STAC: variants seen among roughly 807,000 people sequenced by gnomAD.
The protein encoded by STAC is SH3 and cysteine-rich domain-containing protein.
Under a neutral mutation model 48.8 loss-of-function variants are expected in STAC, and 43 were observed. The ratio of observed to expected loss-of-function variants is 0.88; its 90% CI spans 0.69 to 1.14. STAC has a LOEUF of 1.14. STAC is among the 50% of genes most tolerant of loss of function. The probability of loss-of-function intolerance (pLI) is 0.00; values close to 1 mark genes in which losing one functional copy is unlikely to be tolerated. For synonymous variants in STAC, 193 were observed against 179.5 expected (o/e 1.07, Z -0.60); for missense variants, 497 against 504.0 (o/e 0.99, Z 0.13).
chr3:36,534,831 G>T (rs1361126737), intron 10 of STAC, among the ~76,000 whole-genome samples: 1 of 151,882 alleles, frequency 6.6e-6, no homozygotes, highest in Admixed American at 6.6e-5. Context: ...ATGCCCAGAT[G>T]ATTTTTGTAT....
At chr3:36,471,820 C>T (rs1357490502) in intron 2 of STAC, among the ~76,000 whole-genome samples, 1 of 152,204 alleles carries the variant, frequency 6.6e-6, no homozygotes, top group Non-Finnish European at 1.5e-5. Context: ...TCCCTCCCAG[C>T]TGCTTTCATA....
At chr3:36,389,668 A>AT (rs1699708961) in intron 1 of STAC, among the ~76,000 whole-genome samples, 1 of 152,130 alleles carries the variant, frequency 6.6e-6, no homozygotes, top group Non-Finnish European at 1.5e-5. Flanking sequence ...TTTCTTATCC[A>AT]TTAGTAAAGA....
At chr3:36,478,367 C>T (rs931408188) in intron 2 of STAC, among the ~76,000 whole-genome samples, 1 of 152,184 alleles carries the variant, frequency 6.6e-6, no homozygotes, top group African/African-American at 2.4e-5. Context: ...TATTTTTCCT[C>T]AAATTAAAAA....
intron 8 of STAC, among the ~76,000 whole-genome samples, chr3:36,520,697 A>T (rs1451150132): frequency 6.6e-6 from 1 of 152,212 alleles, no homozygotes; most frequent in Non-Finnish European, 1.5e-5. Flanking sequence ...CTATTTGAGG[A>T]AAGTCTCTGA....
chr3:36,397,788 G>A (rs1226176907), intron 1 of STAC, among the ~76,000 whole-genome samples: 1 of 152,074 alleles, frequency 6.6e-6, no homozygotes, highest in Admixed American at 6.5e-5. Flanking sequence ...TTATGAGCTT[G>A]TCTGAAAAAG....
At chr3:36,410,098 A>C (rs555089882) in intron 1 of STAC, among the ~76,000 whole-genome samples, 6 of 152,224 alleles carry the variant, frequency 3.9e-5, no homozygotes, top group Non-Finnish European at 8.8e-5. Flanking sequence ...TCTTACAAGA[A>C]AAATCTTTCC....
chr3:36,493,205 G>T lies in STAC; in HGVS notation c.742G>T (p.Asp248Tyr). 1 of 1,613,544 alleles carries T rather than the reference G, an allele frequency of 6.2e-7. No individual in the cohort carries two copies. The highest frequency in any genetic ancestry group is 1.1e-5 in the South Asian group (1 of 91,002). Residue 248 changes from aspartate (D) to tyrosine (Y), a missense_variant, in exon 6 of 11, where the codon GAC (aspartate) becomes TAC (tyrosine). Coordinates refer to ENST00000273183, the MANE Select transcript of STAC (RefSeq NM_003149.3). ...EEANGPGGGY[D>Y]LRKRSNSVFT... ...AGCCAATGGGCCAGGAGGCGGGTAT[G>T]ACCTAAGGAAACGCAGCAACAGCGG... is the stretch of plus-strand genomic sequence containing the variant.
chr3:36,490,252 C>T (rs150215487), intron 5 of STAC, among the ~76,000 whole-genome samples: 1 of 152,286 alleles, frequency 6.6e-6, no homozygotes, highest in Admixed American at 6.5e-5. Flanking sequence ...CCACGTACCA[C>T]GTTGCATCTC....
intron 2 of STAC, among the ~76,000 whole-genome samples, chr3:36,478,715 T>C (rs1036299931): frequency 6.6e-6 from 1 of 152,098 alleles, no homozygotes; most frequent in Non-Finnish European, 1.5e-5. Context: ...TTCAAACTCC[T>C]GACCTCAAGT....
chr3:36,401,711 G>C (rs1700001908), intron 1 of STAC, among the ~76,000 whole-genome samples: 1 of 152,186 alleles, frequency 6.6e-6, no homozygotes, highest in Non-Finnish European at 1.5e-5. Flanking sequence ...CAGTGCAAAG[G>C]GAAATCGGAG....
intron 1 of STAC, among the ~76,000 whole-genome samples, chr3:36,434,264 T>A (rs1320745879): frequency 1.3e-5 from 2 of 152,208 alleles, no homozygotes; most frequent in Non-Finnish European, 2.9e-5. Context: ...AGGTATTTCC[T>A]CAATTCTTAG....
At chr3:36,462,416 T>C (rs1247583600) in intron 2 of STAC, among the ~76,000 whole-genome samples, 1 of 152,082 alleles carries the variant, frequency 6.6e-6, no homozygotes, top group Non-Finnish European at 1.5e-5. Context: ...TTGTCTAGAT[T>C]AGAGATATAA....
At position 36,380,682 on chromosome 3, in the gene STAC, C is replaced by T. The variant is rs374697997; in HGVS notation, c.39C>T (p.Asp13=). Reference sequence around the variant, plus strand: ...GCAGCCCCCGCGAGGACGGCGTGGACGGGCTGCCCAAGGAGGCGGTGGGCG... The same window carrying T: ...GCAGCCCCCGCGAGGACGGCGTGGATGGGCTGCCCAAGGAGGCGGTGGGCG... The part of the protein sequence containing the change: ...PPSSPREDGV[D]GLPKEAVGAE... The change falls in exon 1 of 11, where the codon GAC becomes GAT. Residue 13 remains aspartate, a synonymous_variant. Coordinates refer to ENST00000273183, the MANE Select transcript of STAC (RefSeq NM_003149.3). The T allele has an allele frequency of 1.9e-5, 31 of 1,608,584 alleles. No individual in the cohort carries two copies. Among genetic ancestry groups the T allele is most frequent in the Admixed American group, 6.7e-5 (4 of 59,570 alleles).
intron 2 of STAC, among the ~76,000 whole-genome samples, chr3:36,451,525 G>A (rs1023430632): frequency 3.3e-5 from 5 of 152,062 alleles, no homozygotes; most frequent in African/African-American, 1.2e-4. Context: ...TATACATCTT[G>A]TTAGATATTT....
chr3:36,398,363 G>GAAAGA lies in STAC; in HGVS notation c.111+17617_111+17621dup, dbSNP rs1553631484. ...AGAAAGAAAGAAAGAAAGAAAGAAA[G>GAAAGA]AAAGAAAAGAAAGAGAGAAAGAAAG... is the stretch of plus-strand genomic sequence containing the variant. On this transcript the variant is annotated intron_variant, in intron 1 of 10. Transcript: ENST00000273183. Among the ~76,000 whole-genome samples, 162 of 124,962 alleles carry GAAAGA rather than the reference G, an allele frequency of 1.3e-3. 2 individuals carry two copies. The highest frequency in any genetic ancestry group is 4.7e-3 in the South Asian group (18 of 3,864). 82.0% of individuals were successfully genotyped at this position (124,962 alleles called of 152,430 possible).
rs1271041650 is a variant in STAC, at chr3:36,486,242, G to C, written c.680G>C (p.Arg227Thr). Residue 227 changes from arginine to threonine, a missense_variant, in exon 5 of 11, where the codon AGA becomes ACA. By Grantham distance (71) the Arg-to-Thr change is moderately conservative (BLOSUM62 -1). Coordinates refer to ENST00000273183, the MANE Select transcript of STAC (RefSeq NM_003149.3). ...GGCAGTGGCTCTGACTCACCTCACA[G>C]AACCTCTGTAATTATCCTCTTCCTT... is the stretch of plus-strand genomic sequence containing the variant. ...SSGSGSDSPH[R>T]TSTSDLVEVP... 1 of 1,613,530 alleles carries C rather than the reference G, an allele frequency of 6.2e-7. No individual in the cohort carries two copies. The highest frequency in any genetic ancestry group is 1.1e-5 in the South Asian group (1 of 90,956).
chr3:36,389,965 C>T (rs549887764), intron 1 of STAC, among the ~76,000 whole-genome samples: 1 of 122,678 alleles, frequency 8.2e-6, no homozygotes, highest in South Asian at 2.6e-4. Flanking sequence ...AATTCTCTTT[C>T]ATTTGGGGGG....
intron 1 of STAC, among the ~76,000 whole-genome samples, chr3:36,418,681 T>C (rs1700375222): frequency 6.6e-6 from 1 of 151,938 alleles, no homozygotes; most frequent in South Asian, 2.1e-4. Context: ...AGTGTGAGAT[T>C]AACCATGGAT....
At chr3:36,421,904 T>C (rs1700459921) in intron 1 of STAC, among the ~76,000 whole-genome samples, 1 of 152,128 alleles carries the variant, frequency 6.6e-6, no homozygotes, top group Non-Finnish European at 1.5e-5. Flanking sequence ...TCTAGTTTGG[T>C]CATCTCAGCT....
Sources: allele counts gnomAD v4.1 joint callset (sites outside exome capture counted in the v4.1 genomes callset), GRCh38; gene constraint gnomAD v4.1.1; transcripts MANE v1.5; gene names NCBI Gene and HGNC (gene_info 2026-07-23, HGNC 2026-07-21).